The following CEBPZ variants were observed in gnomAD, a reference collection of about 807,000 sequenced individuals.
CEBPZ encodes the protein CCAAT enhancer binding protein zeta, also known as CCAAT/enhancer-binding protein zeta.
A neutral mutation model predicts 104.5 loss-of-function variants in CEBPZ; 78 were observed. The ratio of observed to expected loss-of-function variants is 0.75; its 90% confidence interval spans 0.62 to 0.90. CEBPZ has a LOEUF of 0.90. Ranked by LOEUF, CEBPZ falls within the 40% of genes least tolerant of loss-of-function variation. The probability of loss-of-function intolerance (pLI) is 0.00; values close to 1 mark genes in which losing one functional copy is unlikely to be tolerated. For synonymous variants in CEBPZ, 470 were observed against 427.0 expected, an observed-to-expected ratio of 1.10 and a Z score of -1.24; for missense variants, 1,439 against 1,233.5, an observed-to-expected ratio of 1.17 and a Z score of -2.50.
Position 37,216,202 on chromosome 2 carries a change from G to C in CEBPZ, c.2318C>G (p.Thr773Arg), listed in dbSNP as rs762807368. 5.6e-6 allele frequency: 9 copies of C among 1,612,298 alleles called. No individual in the cohort carries two copies. The highest frequency in any genetic ancestry group is 6.8e-6 in the Non-Finnish European group (8 of 1,179,188). The change falls in exon 8 of 16, where the codon ACA becomes AGA. Residue 773 changes from threonine to arginine, a missense_variant. Coordinates refer to ENST00000234170, the MANE Select transcript of CEBPZ (RefSeq NM_005760.3). ...TTTCGGCTGCATCACAACACTATCTGTGTTTTCTGAAATGTAAAATTATGA... is the reference window on the plus strand; with the variant it reads ...TTTCGGCTGCATCACAACACTATCTCTGTTTTCTGAAATGTAAAATTATGA... ...NPKPHKGKEN[T>R]DSVVMQPKRK...
intron 8 of CEBPZ, chr2:37,215,204 GAAAC>G (rs1187104958): frequency 9.9e-6 from 3 of 301,832 alleles, no homozygotes; most frequent in Non-Finnish European, 1.8e-5. Flanking sequence ...CCGTTACAGT[GAAAC>G]AACAGGGTTC....
intron 12 of CEBPZ, 98 bp downstream of exon 12, chr2:37,211,745 A>T: frequency 2.4e-6 from 2 of 831,588 alleles, no homozygotes; most frequent in Non-Finnish European, 3.6e-6. Flanking sequence ...TATTAATTTG[A>T]ATACAGGGCT....
At chr2:37,231,269 G>GC in intron 1 of CEBPZ, 143 bp downstream of exon 1, 1 of 1,107,138 alleles carries the variant, frequency 9.0e-7, no homozygotes, top group Non-Finnish European at 1.4e-6. Context: ...CGTGGGAAGC[G>GC]CACCGAACAC....
intron 1 of CEBPZ, among the ~76,000 whole-genome samples, chr2:37,229,904 G>A (rs1665001785): frequency 6.6e-6 from 1 of 151,978 alleles, no homozygotes; most frequent in African/African-American, 2.4e-5. Context: ...ATGTTGCCCA[G>A]GCTGGTCTCA....
chr2:37,204,146 T>G (rs960866133), intron 13 of CEBPZ: 1 of 152,196 alleles, frequency 6.6e-6, no homozygotes, highest in African/African-American at 2.4e-5. Flanking sequence ...TTATTCATCC[T>G]GTAGTGATGT....
intron 1 of CEBPZ, chr2:37,231,124 A>T (rs1665074672): frequency 5.4e-6 from 3 of 557,840 alleles, no homozygotes; most frequent in Non-Finnish European, 1.0e-5. Context: ...GACCAAGAAA[A>T]GCCACTCTCC....
chr2:37,203,241 GC>G, intron 13 of CEBPZ: 1 of 303,938 alleles, frequency 3.3e-6, no homozygotes, highest in Non-Finnish European at 6.0e-6. Flanking sequence ...GTGTCTTCTT[GC>G]TTTTCAGATT....
In CEBPZ at chr2:37,209,633, A is replaced by G. The variant is rs1677654437; in HGVS notation, c.2884+1366T>C. On this transcript the variant is annotated intron_variant, in intron 13 of 15. Coordinates refer to ENST00000234170, the MANE Select transcript of CEBPZ (RefSeq NM_005760.3). ...GATCCTCATTTCTCACCTTATGCAG[A>G]AAACTCAAGATGGATCGAAGACTTA... 3 of 152,198 alleles carry G rather than the reference A, an allele frequency of 2.0e-5. No individual in the cohort carries two copies. In the South Asian group the frequency reaches 6.2e-4, roughly 32 times the overall value. The allele number at this position is 152,198 out of a possible 1,614,324, so 9.4% of individuals were successfully genotyped here.
At chr2:37,209,650 G>C (rs769744389) in intron 13 of CEBPZ, 6 of 152,038 alleles carry the variant, frequency 3.9e-5, no homozygotes, top group African/African-American at 1.4e-4. Context: ...AAGATGGATC[G>C]AAGACTTAAA....
intron 13 of CEBPZ, among the ~76,000 whole-genome samples, chr2:37,208,586 C>G (rs558725028): frequency 6.6e-6 from 1 of 152,190 alleles, no homozygotes; most frequent in East Asian, 1.9e-4. Context: ...TTGACAAAAT[C>G]AAGCATCCTT....
chr2:37,207,636 G>C (rs150702468), intron 13 of CEBPZ, among the ~76,000 whole-genome samples: 21 of 152,114 alleles, frequency 1.4e-4, no homozygotes, highest in African/African-American at 5.1e-4. Flanking sequence ...AAAACCTCTG[G>C]GATACAGCAA....
At chr2:37,221,966 T>C (rs1164166788) in intron 4 of CEBPZ, among the ~76,000 whole-genome samples, 1 of 152,168 alleles carries the variant, frequency 6.6e-6, no homozygotes, top group Non-Finnish European at 1.5e-5. Flanking sequence ...GAACAGAAAG[T>C]TTTCTATCCC....
rs2148369701 is a variant in CEBPZ, at chr2:37,231,461, G to C, written c.107C>G (p.Ala36Gly). The C allele has an allele frequency of 1.9e-6, 3 of 1,614,186 alleles. No homozygotes were observed. The highest frequency in any genetic ancestry group is 2.2e-5 in the East Asian group (1 of 44,874). ...DEEDEDNTSE[A>G]ENGFSLEEVL... The stretch of plus-strand genomic sequence containing the variant: ...TTCCTCCAGGGAGAACCCATTCTCG[G>C]CTTCACTAGTATTATCCTCATCCTC... The change falls in exon 1 of 16, where the codon GCC becomes GGC. Residue 36 changes from alanine to glycine, a missense_variant. Coordinates refer to ENST00000234170, the MANE Select transcript of CEBPZ (RefSeq NM_005760.3).
chr2:37,204,056 A>G (rs1405549291), intron 13 of CEBPZ: 1 of 152,054 alleles, frequency 6.6e-6, no homozygotes, highest in African/African-American at 2.4e-5. Context: ...TTTCATCTTG[A>G]TTTTTATTAA....
At chr2:37,208,285 TA>T (rs1677605708) in intron 13 of CEBPZ, among the ~76,000 whole-genome samples, 1 of 152,100 alleles carries the variant, frequency 6.6e-6, no homozygotes, top group Non-Finnish European at 1.5e-5. Context: ...GAATCCTCCC[TA>T]AATCATTCAA....
At chr2:37,204,117 AG>A (rs1677423664) in intron 13 of CEBPZ, 1 of 152,076 alleles carries the variant, frequency 6.6e-6, no homozygotes, top group South Asian at 2.1e-4. Context: ...TGCATGCATT[AG>A]GAAGTTTTTT....
chr2:37,211,791 G>C, intron 12 of CEBPZ, 52 bp downstream of exon 12: 1 of 1,356,232 alleles, frequency 7.4e-7, no homozygotes, highest in Non-Finnish European at 1.0e-6. Flanking sequence ...CAAACTTAAG[G>C]CTAAGGAAGT....
intron 13 of CEBPZ, 127 bp from the exon 14 acceptor site, chr2:37,203,135 C>G (rs1449566044): frequency 1.8e-6 from 1 of 565,786 alleles, no homozygotes; most frequent in Non-Finnish European, 3.0e-6. Context: ...CTTCTGGCAC[C>G]ATTGGGTAGC....
chr2:37,208,284 C>T (rs1677605468), intron 13 of CEBPZ, among the ~76,000 whole-genome samples: 1 of 152,104 alleles, frequency 6.6e-6, no homozygotes, highest in African/African-American at 2.4e-5. Context: ...GGAATCCTCC[C>T]TAAATCATTC....
Sources: allele counts gnomAD v4.1 joint callset (sites outside exome capture counted in the v4.1 genomes callset), GRCh38; gene constraint gnomAD v4.1.1; transcripts MANE v1.5; gene names NCBI Gene and HGNC (gene_info 2026-07-23, HGNC 2026-07-21).